The following ANKMY2 variants were observed in gnomAD, a reference collection of about 807,000 sequenced individuals.
ANKMY2 encodes ankyrin repeat and MYND domain containing 2, also known as ankyrin repeat and MYND domain-containing protein 2.
ANKMY2 carries 36 observed loss-of-function variants against 50.4 expected under a neutral mutation model. The ratio of observed to expected loss-of-function variants is 0.71; its 90% CI spans 0.55 to 0.94. The LOEUF (loss-of-function observed/expected upper bound fraction) is 0.94. ANKMY2 is among the 40% of genes least tolerant of loss of function. The pLI is 0.00. For synonymous variants in ANKMY2, 187 were observed against 178.8 expected (o/e 1.05, Z -0.36); for missense variants, 565 against 524.0 (o/e 1.08, Z -0.76).
At chr7:16,611,457 T>C (rs765413546) in intron 5 of ANKMY2, among the ~76,000 whole-genome samples, 3 of 152,224 alleles carry the variant, frequency 2.0e-5, no homozygotes, top group Non-Finnish European at 2.9e-5. Context: ...TAGTGTAATA[T>C]GGAGTATTTT....
At chr7:16,644,889 G>C (rs1781807137) in intron 1 of ANKMY2, 1 of 349,150 alleles carries the variant, frequency 2.9e-6, no homozygotes, top group Non-Finnish European at 5.7e-6. Context: ...CGAGGGGTGG[G>C]TGTGGAGGCC....
intron 2 of ANKMY2, among the ~76,000 whole-genome samples, chr7:16,635,255 G>A (rs1048794668): frequency 1.3e-5 from 2 of 152,142 alleles, no homozygotes; most frequent in African/African-American, 4.8e-5. Context: ...TAAAAAAAGA[G>A]TACTTATTGT....
intron 1 of ANKMY2, 86 bp downstream of exon 1, chr7:16,645,421 G>A: frequency 2.2e-6 from 3 of 1,338,372 alleles, no homozygotes; most frequent in Middle Eastern, 2.5e-4. Flanking sequence ...GCAGCCAAAG[G>A]TCACCCAGGC....
intron 2 of ANKMY2, among the ~76,000 whole-genome samples, chr7:16,635,162 C>CA (rs924702075): frequency 2.0e-4 from 30 of 151,512 alleles, no homozygotes; most frequent in African/African-American, 6.3e-4. Flanking sequence ...ACACATACAA[C>CA]AAAAAAAACT....
At chr7:16,636,798 A>G (rs1562467142) in intron 1 of ANKMY2, among the ~76,000 whole-genome samples, 1 of 152,214 alleles carries the variant, frequency 6.6e-6, no homozygotes, top group Non-Finnish European at 1.5e-5. Context: ...AATCCAAATC[A>G]CCATCTGAAG....
intron 1 of ANKMY2, among the ~76,000 whole-genome samples, chr7:16,641,264 T>C (rs977313471): frequency 6.6e-6 from 1 of 150,592 alleles, no homozygotes. Flanking sequence ...ACACACATAG[T>C]GGAGACTTCT....
intron 1 of ANKMY2, among the ~76,000 whole-genome samples, chr7:16,644,128 C>G (rs1462402900): frequency 6.6e-6 from 1 of 152,166 alleles, no homozygotes; most frequent in Admixed American, 6.5e-5. Flanking sequence ...TTTTGCCCAG[C>G]ACAGTACCTG....
rs772364573 is a variant in ANKMY2, at chr7:16,627,075, T to C, written c.236A>G (p.His79Arg). 55 of 1,611,780 alleles carry C rather than the reference T, an allele frequency of 3.4e-5. 1 individual carries two copies. In the South Asian group the frequency reaches 5.1e-4, roughly 15 times the overall value. ...GADVNCHQHE[H>R]GYTALMFAAL... ...AGCAAACATGAGGGCTGTGTATCCA[T>C]GTTCATGCTGATGACAATTTACATC... is the stretch of plus-strand genomic sequence containing the variant. The change falls in exon 3 of 10, where the codon CAT becomes CGT. Residue 79 changes from histidine (H) to arginine (R), a missense_variant. Transcript: ENST00000306999.
At chr7:16,601,343 C>T (rs1373173758) in intron 9 of ANKMY2, among the ~76,000 whole-genome samples, 1 of 152,208 alleles carries the variant, frequency 6.6e-6, no homozygotes, top group Non-Finnish European at 1.5e-5. Context: ...GGCTATCCTA[C>T]ATTGGTGAAG....
In ANKMY2 at chr7:16,604,739, T is replaced by A. The variant is rs754489577; in HGVS notation, c.993A>T (p.Arg331Ser). The change falls in exon 8 of 10, where the codon AGA becomes AGT. Residue 331 changes from arginine to serine, a missense_variant. Physicochemically the swap from Arg to Ser is moderately radical, Grantham distance 110 (BLOSUM62 -1). Transcript: ENST00000306999. ...TTCTTACCATTTTGCAAACTGAACA[T>A]CTTTTACTTGCTCCCTTTTCTCCAC... is the stretch of plus-strand genomic sequence containing the variant. Reference protein sequence around the residue: ...TTCGEKGASKRCSVCKMVIYC... With the variant: ...TTCGEKGASKSCSVCKMVIYC... 4 of 1,613,980 alleles carry A rather than the reference T, an allele frequency of 2.5e-6. No individual in the cohort carries two copies. Among genetic ancestry groups the A allele is most frequent in the Non-Finnish European group, 3.4e-6 (4 of 1,179,908 alleles).
rs531991099 is a variant in ANKMY2, at chr7:16,615,085, T to G, written c.531+659A>C. 2.6e-5 allele frequency among the ~76,000 whole-genome samples: 4 copies of G among 152,362 alleles called. No homozygotes were observed. The South Asian group carries it at 6.2e-4, about 24-fold the overall frequency. The stretch of plus-strand genomic sequence containing the variant: ...TTCCCAGTTAAGCCATTTGAACTTA[T>G]GTGTTGGCCTATGAAATTTGAAAAT... On this transcript the variant is annotated intron_variant, in intron 5 of 9. Transcript: ENST00000306999.
At chr7:16,607,591 A>ATAC (rs1298261425) in intron 7 of ANKMY2, among the ~76,000 whole-genome samples, 1 of 151,748 alleles carries the variant, frequency 6.6e-6, no homozygotes, top group Non-Finnish European at 1.5e-5. Context: ...AATAATAATA[A>ATAC]TTATACTCTA....
At chr7:16,634,758 G>T (rs1781633349) in intron 2 of ANKMY2, among the ~76,000 whole-genome samples, 1 of 152,110 alleles carries the variant, frequency 6.6e-6, no homozygotes, top group Non-Finnish European at 1.5e-5. Flanking sequence ...AAGTGCCTTA[G>T]TTCAACACCA....
intron 5 of ANKMY2, among the ~76,000 whole-genome samples, chr7:16,612,174 C>A (rs908541325): frequency 6.6e-6 from 1 of 152,122 alleles, no homozygotes; most frequent in African/African-American, 2.4e-5. Flanking sequence ...AATCAATATC[C>A]CAGGGACTAT....
chr7:16,609,989 A>G (rs1330222132), intron 6 of ANKMY2, among the ~76,000 whole-genome samples: 3 of 152,250 alleles, frequency 2.0e-5, no homozygotes, highest in Non-Finnish European at 4.4e-5. Context: ...GACTACCACC[A>G]TAAAACACAC....
In ANKMY2 at chr7:16,625,009, G is replaced by A; in HGVS notation, c.344C>T (p.Thr115Ile). ...ETDVVNSVGR[T>I]AAQMAAFVGQ... is the part of the protein sequence containing the mutation. Reference sequence around the variant, plus strand: ...CACAAAGGCTGCCATCTGAGCTGCTGTTCTTCCCACAGAGTTGACAACATC... The same window carrying A: ...CACAAAGGCTGCCATCTGAGCTGCTATTCTTCCCACAGAGTTGACAACATC... The change falls in exon 4 of 10, where the codon ACA (threonine) becomes ATA (isoleucine). Residue 115 changes from threonine to isoleucine, a missense_variant. By Grantham distance (89) the Thr-to-Ile change is moderately conservative. Transcript: ENST00000306999. The A allele has an allele frequency of 6.2e-7, 1 of 1,613,750 alleles. No individual in the cohort carries two copies. Among genetic ancestry groups the A allele is most frequent in the Non-Finnish European group, 8.5e-7 (1 of 1,179,814 alleles).
At chr7:16,637,611 G>C (rs938491601) in intron 1 of ANKMY2, among the ~76,000 whole-genome samples, 12 of 152,186 alleles carry the variant, frequency 7.9e-5, no homozygotes, top group Non-Finnish European at 1.3e-4. Flanking sequence ...ATCACTGGCT[G>C]AATCGCTATG....
At chr7:16,616,869 C>T (rs1162922730) in intron 4 of ANKMY2, among the ~76,000 whole-genome samples, 1 of 152,216 alleles carries the variant, frequency 6.6e-6, no homozygotes, top group Non-Finnish European at 1.5e-5. Context: ...TTGATCCTGC[C>T]GACAACAGGT....
chr7:16,643,300 A>G (rs2128347357), intron 1 of ANKMY2, among the ~76,000 whole-genome samples: 1 of 152,324 alleles, frequency 6.6e-6, no homozygotes, highest in African/African-American at 2.4e-5. Flanking sequence ...TTCCTAGCTC[A>G]TCCAAATTAA....
Sources: gnomAD v4.1 joint callset for allele counts (sites outside exome capture counted in the v4.1 genomes callset) on GRCh38, gnomAD v4.1.1 for gene constraint, MANE v1.5 for transcripts, NCBI Gene and HGNC (gene_info 2026-07-23, HGNC 2026-07-21) for gene names.